Variants in SORCS1 observed in about 807,000 individuals in gnomAD.
The protein encoded by SORCS1 is VPS10 domain-containing receptor SorCS1.
In SORCS1, 60 loss-of-function variants were observed where a neutral mutation model predicts 146.1. The observed-to-expected ratio is 0.41, with a 90% confidence interval of 0.33 to 0.51. The LOEUF (loss-of-function observed/expected upper bound fraction) is 0.51. Among genes scored for constraint, SORCS1 ranks in the 20% least tolerant of loss-of-function variants. The probability of loss-of-function intolerance (pLI) is 0.21; values close to 1 mark genes in which losing one functional copy is unlikely to be tolerated. For synonymous variants in SORCS1, 637 were observed against 584.0 expected, an observed-to-expected ratio of 1.09 and a Z score of -1.31; for missense variants, 1,352 against 1,487.6, an observed-to-expected ratio of 0.91 and a Z score of 1.50.
intron 2 of SORCS1, among the ~76,000 whole-genome samples, chr10:106,934,543 G>C (rs889098905): frequency 2.0e-5 from 3 of 152,156 alleles, no homozygotes; most frequent in African/African-American, 7.2e-5. Context: ...ACAGGCATGA[G>C]CCACTGCACC....
At chr10:107,133,099 A>C (rs1966988529) in intron 1 of SORCS1, among the ~76,000 whole-genome samples, 1 of 152,206 alleles carries the variant, frequency 6.6e-6, no homozygotes, top group African/African-American at 2.4e-5. Flanking sequence ...AGTCTGACAA[A>C]ATAAGAGATT....
At chr10:107,148,535 C>T (rs1968519701) in intron 1 of SORCS1, among the ~76,000 whole-genome samples, 1 of 152,170 alleles carries the variant, frequency 6.6e-6, no homozygotes, top group African/African-American at 2.4e-5. Flanking sequence ...CAGATATAGC[C>T]CATGGGCTAA....
intron 2 of SORCS1, among the ~76,000 whole-genome samples, chr10:106,879,152 A>T (rs1950719496): frequency 6.6e-6 from 1 of 151,686 alleles, no homozygotes; most frequent in Admixed American, 6.6e-5. Context: ...TCCATCAAAA[A>T]AAAAAAAAAA....
chr10:106,623,192 A>G (rs1432671462), intron 19 of SORCS1, among the ~76,000 whole-genome samples: 1 of 151,930 alleles, frequency 6.6e-6, no homozygotes, highest in Non-Finnish European at 1.5e-5. Flanking sequence ...AAACTATGCT[A>G]GAAATGCTAG....
At chr10:106,867,417 T>A (rs1350066066) in intron 2 of SORCS1, among the ~76,000 whole-genome samples, 1 of 152,066 alleles carries the variant, frequency 6.6e-6, no homozygotes, top group Non-Finnish European at 1.5e-5. Context: ...CCCAAGTAGC[T>A]GGGATTACAG....
chr10:106,959,160 C>T (rs988653924), intron 1 of SORCS1, among the ~76,000 whole-genome samples: 1 of 152,148 alleles, frequency 6.6e-6, no homozygotes, highest in African/African-American at 2.4e-5. Flanking sequence ...AATCCCAGGG[C>T]AGGCGGGCAG....
At chr10:106,928,556 G>A (rs1953210279) in intron 2 of SORCS1, among the ~76,000 whole-genome samples, 1 of 152,244 alleles carries the variant, frequency 6.6e-6, no homozygotes, top group Admixed American at 6.5e-5. Flanking sequence ...TGCAGCGGTG[G>A]GCTGAAGGGC....
In SORCS1 at chr10:106,650,543, C is replaced by T. The variant is rs78338867; in HGVS notation, c.2475+1839G>A. Among the ~76,000 whole-genome samples the T allele has an allele frequency of 6.3e-3, 963 of 152,308 alleles. 14 individuals carry two copies. Among genetic ancestry groups the T allele is most frequent in the African/African-American group, 0.021 (883 of 41,562 alleles). The stretch of plus-strand genomic sequence containing the variant: ...GGAAAAAGGCCCTGTATGTGTGCTG[C>T]TTCCCTGTGCTTTCCTTCTCCCTGG... On this transcript the variant is annotated intron_variant, in intron 18 of 25. Transcript: ENST00000263054.
chr10:106,766,487 T>A (rs1038798290), intron 4 of SORCS1, among the ~76,000 whole-genome samples: 1 of 152,120 alleles, frequency 6.6e-6, no homozygotes, highest in African/African-American at 2.4e-5. Context: ...AGAAAGAGAA[T>A]CAGTCCAGAG....
intron 1 of SORCS1, among the ~76,000 whole-genome samples, chr10:107,047,044 A>C (rs989501232): frequency 1.6e-4 from 24 of 152,150 alleles, no homozygotes; most frequent in Non-Finnish European, 2.9e-4. Flanking sequence ...GCCAGAGTGC[A>C]GTGGCACAAT....
At chr10:106,701,227 C>T (rs548826158) in intron 8 of SORCS1, among the ~76,000 whole-genome samples, 1 of 152,232 alleles carries the variant, frequency 6.6e-6, no homozygotes, top group Admixed American at 6.5e-5. Flanking sequence ...TGAGGAGACA[C>T]AGGTCCAAGT....
At chr10:106,685,307 T>C (rs887404497) in intron 10 of SORCS1, among the ~76,000 whole-genome samples, 3 of 152,108 alleles carry the variant, frequency 2.0e-5, no homozygotes, top group African/African-American at 4.8e-5. Context: ...CCCTACCACA[T>C]GGCAGGTATG....
At chr10:106,999,193 C>T (rs976772599) in intron 1 of SORCS1, among the ~76,000 whole-genome samples, 2 of 152,074 alleles carry the variant, frequency 1.3e-5, no homozygotes, top group Non-Finnish European at 2.9e-5. Flanking sequence ...CATACACACA[C>T]GAACATACAC....
At chr10:106,642,032 C>T (rs1016511106) in intron 18 of SORCS1, among the ~76,000 whole-genome samples, 10 of 152,086 alleles carry the variant, frequency 6.6e-5, no homozygotes, top group African/African-American at 2.4e-4. Flanking sequence ...TAAATAAATA[C>T]AAACATCTAA....
intron 8 of SORCS1, among the ~76,000 whole-genome samples, chr10:106,703,707 C>G (rs758172608): frequency 3.2e-4 from 48 of 152,192 alleles, no homozygotes; most frequent in Non-Finnish European, 6.5e-4. Flanking sequence ...CGGCATGAAG[C>G]TTTGTTCATT....
chr10:106,829,444 T>C lies in SORCS1; in HGVS notation c.726+130A>G, dbSNP rs1564707101. On this transcript the variant is annotated intron_variant, in intron 3 of 25. Transcript: ENST00000263054. ...TGTCAGACATTTTACAATCTTAACA[T>C]CCATCAACCCATCTTTACATTTCTA... 6.4e-6 allele frequency: 4 copies of C among 620,592 alleles called. 1 individual carries two copies. The highest frequency in any genetic ancestry group is 5.1e-5 in the East Asian group (2 of 39,172). The allele number at this position is 620,592 out of a possible 1,614,324, so 38.4% of individuals were successfully genotyped here.
intron 18 of SORCS1, among the ~76,000 whole-genome samples, chr10:106,645,269 G>A (rs566792451): frequency 1.3e-5 from 2 of 151,478 alleles, no homozygotes; most frequent in East Asian, 1.9e-4. Flanking sequence ...CCTAGGTTCA[G>A]GCGATTCTCC....
chr10:107,158,640 T>A (rs535417464), intron 1 of SORCS1, among the ~76,000 whole-genome samples: 1 of 152,300 alleles, frequency 6.6e-6, no homozygotes, highest in Admixed American at 6.5e-5. Context: ...GACCGAGAGC[T>A]CATTGAGGGC....
chr10:106,679,658 G>A lies in SORCS1; in HGVS notation c.1637C>T (p.Thr546Ile), dbSNP rs1852293785. 2 of 1,612,402 alleles carry A rather than the reference G, an allele frequency of 1.2e-6. No individual in the cohort carries two copies. The highest frequency in any genetic ancestry group is 1.7e-6 in the Non-Finnish European group (2 of 1,179,232). Residue 546 changes from threonine (T) to isoleucine (I), a missense_variant, in exon 11 of 26, where the codon ACA becomes ATA. Physicochemically the swap from Thr to Ile is moderately conservative, Grantham distance 89. Transcript: ENST00000263054. ...YTSGIIASKD[T>I]APSIIVASGN... ...TGATGCCACTATGATGCTTGGAGCT[G>A]TGTCTTTGCTGGCAATGATCCCTGA...
Sources: gnomAD v4.1 joint callset for allele counts (sites outside exome capture counted in the v4.1 genomes callset) on GRCh38, gnomAD v4.1.1 for gene constraint, MANE v1.5 for transcripts, NCBI Gene and HGNC (gene_info 2026-07-23, HGNC 2026-07-21) for gene names.